WWC2: variants seen among roughly 807,000 people sequenced by gnomAD.
WWC2 encodes the protein protein WWC2.
In WWC2, 101 loss-of-function variants were observed where a neutral mutation model predicts 138.5. The ratio of observed to expected loss-of-function variants is 0.73; its 90% CI spans 0.62 to 0.86. WWC2 has a LOEUF of 0.86. WWC2 is among the 40% of genes least tolerant of loss of function. The probability of loss-of-function intolerance (pLI) is 0.00; values close to 1 mark genes in which losing one functional copy is unlikely to be tolerated. For synonymous variants in WWC2, 558 were observed against 538.4 expected (o/e 1.04, Z -0.50); for missense variants, 1,420 against 1,419.4 (o/e 1.00, Z -0.01).
chr4:183,117,059 A>G (rs1231411507), intron 1 of WWC2, among the ~76,000 whole-genome samples: 1 of 152,020 alleles, frequency 6.6e-6, no homozygotes, highest in Non-Finnish European at 1.5e-5. Flanking sequence ...CTCCCAATCT[A>G]GGCTTCTGTG....
rs1156678025 is a variant in WWC2, at chr4:183,317,573, T to G, written c.*1844T>G. On this transcript the variant is annotated 3_prime_UTR_variant, in exon 23 of 23. Coordinates refer to ENST00000403733, the MANE Select transcript of WWC2 (RefSeq NM_024949.6). ...AGAGGTAAATGAAGGTGAGCTGTTT[T>G]CAGCATCTTAGTTTGACCATGAAAA... The G allele has an allele frequency of 2.6e-5, 4 of 152,666 alleles. No homozygotes were observed. The highest frequency in any genetic ancestry group is 2.4e-5 in the African/African-American group (1 of 41,468). The allele number at this position is 152,666 out of a possible 1,614,324, so 9.5% of individuals were successfully genotyped here.
At chr4:183,311,241 G>A (rs1282362568) in intron 21 of WWC2, among the ~76,000 whole-genome samples, 1 of 152,186 alleles carries the variant, frequency 6.6e-6, no homozygotes, top group African/African-American at 2.4e-5. Flanking sequence ...TCCATGCACA[G>A]TACCCAAATG....
chr4:183,268,419 GAC>G (rs1737577917), intron 14 of WWC2, among the ~76,000 whole-genome samples: 1 of 152,178 alleles, frequency 6.6e-6, no homozygotes, highest in Non-Finnish European at 1.5e-5. Flanking sequence ...GGAGATGCTA[GAC>G]AGTGATATTT....
intron 4 of WWC2, among the ~76,000 whole-genome samples, chr4:183,235,563 T>C (rs1411401329): frequency 6.6e-6 from 1 of 152,218 alleles, no homozygotes; most frequent in Non-Finnish European, 1.5e-5. Flanking sequence ...TTAGATACTT[T>C]ATATAAGTGG....
rs190879842 is a variant in WWC2, at chr4:183,154,781, G to A, written c.132-38818G>A. Among the ~76,000 whole-genome samples, 522 of 152,306 alleles carry A rather than the reference G, an allele frequency of 3.4e-3. 10 individuals carry two copies. The highest frequency in any genetic ancestry group is 0.031 in the Admixed American group (480 of 15,294). ...TGCAGTTGTGGCGCCTAGGAGGATA[G>A]TAGATATGCCGTATAGCCAATGACA... On this transcript the variant is annotated intron_variant, in intron 1 of 22. Coordinates refer to ENST00000403733, the MANE Select transcript of WWC2 (RefSeq NM_024949.6).
At chr4:183,300,842 C>T (rs1306434285) in intron 21 of WWC2, among the ~76,000 whole-genome samples, 1 of 151,970 alleles carries the variant, frequency 6.6e-6, no homozygotes, top group East Asian at 1.9e-4. Flanking sequence ...AGCCATTACA[C>T]TACTTAGAGG....
chr4:183,248,687 A>T, intron 6 of WWC2, 27 bp from the exon 7 acceptor site: 1 of 1,553,854 alleles, frequency 6.4e-7, no homozygotes, highest in Non-Finnish European at 8.8e-7. Context: ...GTTAAGCTTT[A>T]TGAAACACTT....
intron 1 of WWC2, 29 bp downstream of exon 1, chr4:183,099,651 C>A (rs774670704): frequency 6.3e-6 from 8 of 1,271,506 alleles, no homozygotes; most frequent in Non-Finnish European, 8.1e-6. Context: ...GGCGCGGGCC[C>A]GTTCGGACAC....
chr4:183,219,809 C>T (rs1020857603), intron 4 of WWC2, among the ~76,000 whole-genome samples: 5 of 152,286 alleles, frequency 3.3e-5, no homozygotes, highest in African/African-American at 1.2e-4. Context: ...TCCAATCCTC[C>T]AAGGTTTTCC....
At chr4:183,307,740 T>G (rs1560897949) in intron 21 of WWC2, among the ~76,000 whole-genome samples, 2 of 152,156 alleles carry the variant, frequency 1.3e-5, no homozygotes, top group Non-Finnish European at 2.9e-5. Context: ...TGTAGAAAAC[T>G]CTACAACTAA....
chr4:183,195,901 G>C (rs186669051), intron 2 of WWC2, among the ~76,000 whole-genome samples: 2 of 152,296 alleles, frequency 1.3e-5, no homozygotes, highest in Non-Finnish European at 2.9e-5. Context: ...ATCTCATGCT[G>C]AAATGTAATC....
At chr4:183,266,370 G>GTAAAA (rs1452748206) in intron 14 of WWC2, among the ~76,000 whole-genome samples, 2 of 152,088 alleles carry the variant, frequency 1.3e-5, no homozygotes, top group Non-Finnish European at 2.9e-5. Flanking sequence ...ATTTTATCAT[G>GTAAAA]CTACATGTAA....
At chr4:183,253,712 G>C in intron 8 of WWC2, 45 bp from the exon 9 acceptor site, 1 of 1,583,172 alleles carries the variant, frequency 6.3e-7, no homozygotes, top group African/African-American at 1.4e-5. Flanking sequence ...ACCTTTCTCA[G>C]GAGTTTTAAG....
At chr4:183,148,773 T>C (rs554728488) in intron 1 of WWC2, among the ~76,000 whole-genome samples, 1 of 152,324 alleles carries the variant, frequency 6.6e-6, no homozygotes, top group East Asian at 1.9e-4. Flanking sequence ...AAACTGCTTC[T>C]TTCCTGTGCC....
At chr4:183,154,017 A>C (rs1042666984) in intron 1 of WWC2, among the ~76,000 whole-genome samples, 1 of 151,658 alleles carries the variant, frequency 6.6e-6, no homozygotes, top group Non-Finnish European at 1.5e-5. Flanking sequence ...AAAAAAAAAA[A>C]AAAAAAAAAA....
intron 4 of WWC2, among the ~76,000 whole-genome samples, chr4:183,228,651 C>T (rs1736144101): frequency 6.6e-6 from 1 of 152,062 alleles, no homozygotes; most frequent in South Asian, 2.1e-4. Flanking sequence ...TTCAGAAAAG[C>T]TAAAATCCAA....
In WWC2 at chr4:183,251,260, G is replaced by T. The variant is rs146304621; in HGVS notation, c.953+1267G>T. 7.8e-4 allele frequency among the ~76,000 whole-genome samples: 119 copies of T among 152,316 alleles called. 1 individual carries two copies. The highest frequency in any genetic ancestry group is 2.5e-3 in the African/African-American group (106 of 41,570). Reference sequence around the variant, plus strand: ...TTCTGGTTTTGTGGCCCGGCAATGTGCCAGCTTTCGGTAGATAGTGCCTGT... The same window carrying T: ...TTCTGGTTTTGTGGCCCGGCAATGTTCCAGCTTTCGGTAGATAGTGCCTGT... On this transcript the variant is annotated intron_variant, in intron 8 of 22. Coordinates refer to ENST00000403733, the MANE Select transcript of WWC2 (RefSeq NM_024949.6).
rs140946529 is a variant in WWC2 at position 183,129,178 on chromosome 4, A to G, written c.131+29556A>G. On this transcript the variant is annotated intron_variant, in intron 1 of 22. Transcript: ENST00000403733. ...TAGCAGTTACTTGGAGTTCATTTAGAGCTAACGGCTTAAAGAATGGTGAAG... is the reference window on the plus strand; with the variant it reads ...TAGCAGTTACTTGGAGTTCATTTAGGGCTAACGGCTTAAAGAATGGTGAAG... 8.7e-4 allele frequency among the ~76,000 whole-genome samples: 133 copies of G among 152,338 alleles called. 1 individual carries two copies. The highest frequency in any genetic ancestry group is 2.8e-3 in the African/African-American group (118 of 41,568).
At chr4:183,190,446 A>AT (rs1320158069) in intron 1 of WWC2, among the ~76,000 whole-genome samples, 1 of 152,144 alleles carries the variant, frequency 6.6e-6, no homozygotes, top group Non-Finnish European at 1.5e-5. Context: ...TAGCACCATA[A>AT]TTGGGTACTT....
Sources: allele counts gnomAD v4.1 joint callset (sites outside exome capture counted in the v4.1 genomes callset), GRCh38; gene constraint gnomAD v4.1.1; transcripts MANE v1.5; gene names NCBI Gene and HGNC (gene_info 2026-07-23, HGNC 2026-07-21).